The following AKAP6 variants were observed in gnomAD, a reference collection of about 807,000 sequenced individuals.
AKAP6 encodes the protein A-kinase anchor protein 6.
AKAP6 carries 58 observed loss-of-function variants against 188.5 expected under a neutral mutation model. The observed-to-expected ratio is 0.31, with a 90% CI of 0.25 to 0.38. AKAP6 has a LOEUF of 0.38. AKAP6 is among the 10% of genes least tolerant of loss of function. AKAP6 has a pLI of 1.00. For synonymous variants in AKAP6, 989 were observed against 998.6 expected (o/e 0.99, Z 0.18); for missense variants, 2,710 against 2,740.0 (o/e 0.99, Z 0.24).
At chr14:32,650,776 C>T (rs942936565) in intron 7 of AKAP6, among the ~76,000 whole-genome samples, 5 of 152,002 alleles carry the variant, frequency 3.3e-5, no homozygotes, top group Non-Finnish European at 1.5e-5. Context: ...CCCTGTTTTG[C>T]GTTTACCTAG....
chr14:32,700,986 G>T (rs1198429964), intron 9 of AKAP6, among the ~76,000 whole-genome samples: 1 of 152,104 alleles, frequency 6.6e-6, no homozygotes, highest in African/African-American at 2.4e-5. Flanking sequence ...TGAGATCTTT[G>T]TACTTTCAGA....
intron 8 of AKAP6, among the ~76,000 whole-genome samples, chr14:32,681,853 T>C (rs1405365010): frequency 1.3e-5 from 2 of 152,088 alleles, no homozygotes; most frequent in African/African-American, 4.8e-5. Context: ...TGATTTTTTG[T>C]ACTTTTAGTG....
chr14:32,648,198 T>C (rs986590853), intron 7 of AKAP6, among the ~76,000 whole-genome samples: 1 of 152,150 alleles, frequency 6.6e-6, no homozygotes, highest in Admixed American at 6.5e-5. Context: ...AGGAATTGTT[T>C]CAAAAACAGA....
intron 12 of AKAP6, among the ~76,000 whole-genome samples, chr14:32,814,576 T>C (rs1183996252): frequency 6.6e-6 from 1 of 152,188 alleles, no homozygotes; most frequent in East Asian, 1.9e-4. Flanking sequence ...ACTGAGAGTT[T>C]GCACCAGTTG....
intron 1 of AKAP6, among the ~76,000 whole-genome samples, chr14:32,415,761 C>G (rs1350114904): frequency 6.6e-6 from 1 of 152,152 alleles, no homozygotes. Flanking sequence ...ACTCTAAGTA[C>G]CTCATATCAG....
At chr14:32,712,258 T>A (rs763607320) in intron 9 of AKAP6, among the ~76,000 whole-genome samples, 2 of 152,070 alleles carry the variant, frequency 1.3e-5, no homozygotes, top group Non-Finnish European at 2.9e-5. Flanking sequence ...TTTAAAAAAA[T>A]TTTATTGCAA....
At chr14:32,510,501 T>C (rs1160412731) in intron 2 of AKAP6, among the ~76,000 whole-genome samples, 1 of 143,562 alleles carries the variant, frequency 7.0e-6, no homozygotes, top group African/African-American at 2.6e-5. Flanking sequence ...TATATATATA[T>C]ATATGAAGAA....
chr14:32,737,501 A>G (rs1409630115), intron 11 of AKAP6, among the ~76,000 whole-genome samples: 2 of 152,126 alleles, frequency 1.3e-5, no homozygotes, highest in African/African-American at 2.4e-5. Flanking sequence ...ACAATTTTTT[A>G]CTTGCCATAA....
intron 4 of AKAP6, among the ~76,000 whole-genome samples, chr14:32,547,316 T>A (rs1883244283): frequency 6.6e-6 from 1 of 152,208 alleles, no homozygotes; most frequent in Non-Finnish European, 1.5e-5. Context: ...TTAAATAGAA[T>A]GATAGCTGTG....
At chr14:32,408,813 G>A (rs1321746909) in intron 1 of AKAP6, among the ~76,000 whole-genome samples, 1 of 152,086 alleles carries the variant, frequency 6.6e-6, no homozygotes, top group Admixed American at 6.6e-5. Flanking sequence ...ATTGGTGATG[G>A]GTGGGGCTTT....
At chr14:32,767,245 A>G (rs1218823850) in intron 11 of AKAP6, among the ~76,000 whole-genome samples, 3 of 152,138 alleles carry the variant, frequency 2.0e-5, no homozygotes, top group African/African-American at 7.2e-5. Context: ...ACACTAGGTG[A>G]TATTTTGTTT....
In AKAP6 at chr14:32,542,065, C is replaced by T. The variant is rs115778042; in HGVS notation, c.577-3165C>T. 1.7e-3 allele frequency among the ~76,000 whole-genome samples: 259 copies of T among 152,274 alleles called. 2 individuals are homozygous for T. The highest frequency in any genetic ancestry group is 6.8e-3 in the Middle Eastern group (2 of 294). ...CCATGTACTAGACTTACATATATTA[C>T]ATATCTTACATATATTACCTCCTTT... On this transcript the variant is annotated intron_variant, in intron 3 of 13. Coordinates refer to ENST00000280979, the MANE Select transcript of AKAP6 (RefSeq NM_004274.5).
intron 3 of AKAP6, among the ~76,000 whole-genome samples, chr14:32,541,923 T>C (rs1238405978): frequency 2.0e-5 from 3 of 152,234 alleles, no homozygotes; most frequent in South Asian, 2.1e-4. Context: ...TGATTTCTTA[T>C]TTTGTGCAGT....
At chr14:32,367,650 G>C (rs1171163737) in intron 1 of AKAP6, among the ~76,000 whole-genome samples, 2 of 151,978 alleles carry the variant, frequency 1.3e-5, no homozygotes, top group Non-Finnish European at 2.9e-5. Context: ...ATCACCATTA[G>C]TATCCTGCTT....
At chr14:32,826,603 T>C (rs1207968123) in intron 13 of AKAP6, among the ~76,000 whole-genome samples, 11 of 152,228 alleles carry the variant, frequency 7.2e-5, no homozygotes, top group African/African-American at 2.7e-4. Context: ...TGCTGAGATC[T>C]GGAGCTCCAG....
At chr14:32,744,710 A>G (rs1340664850) in intron 11 of AKAP6, among the ~76,000 whole-genome samples, 1 of 152,034 alleles carries the variant, frequency 6.6e-6, no homozygotes, top group Non-Finnish European at 1.5e-5. Context: ...TTCTATTCCT[A>G]TCTCTCTACC....
chr14:32,431,601 C>A (rs76249064), intron 1 of AKAP6, among the ~76,000 whole-genome samples: 2 of 152,176 alleles, frequency 1.3e-5, no homozygotes, highest in Admixed American at 6.5e-5. Context: ...CAACCTCCCC[C>A]TCCCGGGTTC....
intron 1 of AKAP6, among the ~76,000 whole-genome samples, chr14:32,342,077 A>G (rs1049722640): frequency 2.0e-5 from 3 of 152,126 alleles, no homozygotes; most frequent in Non-Finnish European, 4.4e-5. Context: ...ACTGGAAGGG[A>G]CAAATCTTTG....
At chr14:32,558,065 A>G (rs910376412) in intron 4 of AKAP6, among the ~76,000 whole-genome samples, 7 of 152,192 alleles carry the variant, frequency 4.6e-5, no homozygotes, top group Non-Finnish European at 7.4e-5. Flanking sequence ...TAGATACAAG[A>G]ATAAAGAAAA....
Sources: gnomAD v4.1 joint callset for allele counts (sites outside exome capture counted in the v4.1 genomes callset) on GRCh38, gnomAD v4.1.1 for gene constraint, MANE v1.5 for transcripts, NCBI Gene and HGNC (gene_info 2026-07-23, HGNC 2026-07-21) for gene names.